The following DUS1L variants were observed in gnomAD, a reference collection of about 807,000 sequenced individuals.
DUS1L encodes dihydrouridine synthase 1 like, also known as tRNA-dihydrouridine(16/17) synthase [NAD(P)(+)]-like.
DUS1L carries 56 observed loss-of-function variants against 61.2 expected under a neutral mutation model. That is an observed-to-expected ratio of 0.92 (90% CI 0.74 to 1.14). The LOEUF (loss-of-function observed/expected upper bound fraction) is 1.14. Among genes scored for constraint, DUS1L ranks in the 50% most tolerant of loss-of-function variants. DUS1L has a pLI of 0.00. For synonymous variants in DUS1L, 278 were observed against 259.5 expected, an observed-to-expected ratio of 1.07 and a Z score of -0.69; for missense variants, 630 against 632.4, an observed-to-expected ratio of 1.00 and a Z score of 0.04.
Position 82,058,399 on chromosome 17 carries a change from G to A in DUS1L, c.1224C>T (p.Phe408=), listed in dbSNP as rs894661705. The A allele has an allele frequency of 3.3e-6, 5 of 1,495,012 alleles. No individual in the cohort carries two copies. Among genetic ancestry groups the A allele is most frequent in the South Asian group, 1.4e-5 (1 of 72,284 alleles). 92.6% of individuals were successfully genotyped at this position (1,495,012 alleles called of 1,614,324 possible). The part of the protein sequence containing the change: ...CGNPKGNRCV[F]SLCRGCCKKR... Reference sequence around the variant, plus strand: ...TCTTGCAGCAGCCGCGGCACAGGCTGAACACACATCTGTTGCCCTGGGCAC... The same window carrying A: ...TCTTGCAGCAGCCGCGGCACAGGCTAAACACACATCTGTTGCCCTGGGCAC... The change falls in exon 13 of 14, where the codon TTC becomes TTT. Residue 408 remains phenylalanine, a synonymous_variant. Transcript: ENST00000306796.
In DUS1L at chr17:82,061,978, C is replaced by T. The variant is rs201092302; in HGVS notation, c.516G>A (p.Leu172=). Residue 172 remains leucine, a synonymous_variant, in exon 6 of 14, where the codon CTG becomes CTA. Transcript: ENST00000306796. The part of the protein sequence containing the change: ...QMLEKAGCQL[L]TVHGRTKEQK... Reference sequence around the variant, plus strand: ...GCTCCTTGGTGCGTCCGTGCACCGTCAGCAACTAGGACAGAGCAGTGGTCG... The same window carrying T: ...GCTCCTTGGTGCGTCCGTGCACCGTTAGCAACTAGGACAGAGCAGTGGTCG... The T allele has an allele frequency of 1.2e-6, 2 of 1,605,230 alleles. No homozygotes were observed. Among genetic ancestry groups the T allele is most frequent in the African/African-American group, 2.7e-5 (2 of 74,908 alleles).
At chr17:82,058,759 C>T in intron 12 of DUS1L, 22 bp downstream of exon 12, 2 of 1,613,206 alleles carry the variant, frequency 1.2e-6, no homozygotes, top group Non-Finnish European at 8.5e-7. Flanking sequence ...GCCTTGGTGG[C>T]TTGCAGCCGG....
At position 82,065,082 on chromosome 17, in the gene DUS1L, C is replaced by A; in HGVS notation, c.-10-13G>T. The A allele has an allele frequency of 6.4e-7, 1 of 1,567,534 alleles. No homozygotes were observed. The highest frequency in any genetic ancestry group is 8.7e-7 in the Non-Finnish European group (1 of 1,155,558). On this transcript the variant is annotated splice_polypyrimidine_tract_variant and intron_variant, in intron 1 of 13. Coordinates refer to ENST00000306796, the MANE Select transcript of DUS1L (RefSeq NM_022156.5). ...CATCGTCTCCAGGCTGGGGGAAAGGCGCAGACCCGGGGTTCAGCCAGGCCC... is the reference window on the plus strand; with the variant it reads ...CATCGTCTCCAGGCTGGGGGAAAGGAGCAGACCCGGGGTTCAGCCAGGCCC...
At chr17:82,059,834 A>C in intron 11 of DUS1L, 114 bp downstream of exon 11, 3 of 1,475,704 alleles carry the variant, frequency 2.0e-6, no homozygotes, top group Non-Finnish European at 2.8e-6. Context: ...GTCTGCTTCC[A>C]GCTCTGGGCC....
At position 82,064,915 on chromosome 17, in the gene DUS1L, G is replaced by T; in HGVS notation, c.145C>A (p.Leu49Met). The change falls in exon 2 of 14, where the codon CTG (leucine) becomes ATG (methionine). Residue 49 changes from leucine to methionine, a missense_variant. Physicochemically the swap from Leu to Met is conservative, Grantham distance 15. Coordinates refer to ENST00000306796, the MANE Select transcript of DUS1L (RefSeq NM_022156.5). ...HGAQLCYTPM[L>M]HAQVFVRDAN... ...TCGCGGACAAAGACCTGGGCATGCAGCATGGGCGTGTAGCAGAGCTGTGCC... is the reference window on the plus strand; with the variant it reads ...TCGCGGACAAAGACCTGGGCATGCATCATGGGCGTGTAGCAGAGCTGTGCC... 6.2e-7 allele frequency: 1 copy of T among 1,612,708 alleles called. No homozygotes were observed. The highest frequency in any genetic ancestry group is 8.5e-7 in the Non-Finnish European group (1 of 1,179,870).
At chr17:82,064,021 G>T in intron 3 of DUS1L, 105 bp downstream of exon 3, 2 of 984,718 alleles carry the variant, frequency 2.0e-6, no homozygotes, top group South Asian at 2.9e-5. Context: ...CCACTGTCAC[G>T]ACAGAGGCAG....
intron 2 of DUS1L, 65 bp downstream of exon 2, chr17:82,064,758 T>C: frequency 6.8e-7 from 1 of 1,464,696 alleles, no homozygotes; most frequent in Non-Finnish European, 9.2e-7. Context: ...AGAGAAGGGT[T>C]TTTCCCCAGG....
At chr17:82,060,675 C>A in intron 10 of DUS1L, 26 bp downstream of exon 10, 1 of 1,608,712 alleles carries the variant, frequency 6.2e-7, no homozygotes, top group East Asian at 2.2e-5. Flanking sequence ...GTGCACATCC[C>A]CGCCCAGGGC....
chr17:82,063,997 G>A, intron 3 of DUS1L, 129 bp downstream of exon 3: 1 of 783,394 alleles, frequency 1.3e-6, no homozygotes, highest in South Asian at 1.7e-5. Context: ...GAGGACAGCT[G>A]GCTCCAGCCT....
At chr17:82,065,271 C>A (rs892435151) in intron 1 of DUS1L, 2 of 553,276 alleles carry the variant, frequency 3.6e-6, no homozygotes, top group African/African-American at 3.8e-5. Flanking sequence ...GGGGGAGCCG[C>A]TGGACCCCTG....
At chr17:82,058,290 G>GGCGGAGGGGGTCTGTTTGCCTGCT (rs1302688616) in intron 13 of DUS1L, 36 bp from the exon 14 acceptor site, 2 of 1,541,846 alleles carry the variant, frequency 1.3e-6, no homozygotes, top group African/African-American at 2.8e-5. Flanking sequence ...GGGGTCAGGA[G>GGCGGAGGGGGTCTGTTTGCCTGCT]GCGGAGGGGG....
At chr17:82,058,622 C>G (rs868729663) in intron 12 of DUS1L, 159 bp downstream of exon 12, 2 of 1,497,800 alleles carry the variant, frequency 1.3e-6, no homozygotes, top group African/African-American at 1.4e-5. Flanking sequence ...AGGGGCTTGG[C>G]TGGAAGCAAG....
chr17:82,063,096 A>T (rs1461908666), intron 4 of DUS1L, 123 bp from the exon 5 acceptor site: 3 of 827,722 alleles, frequency 3.6e-6, no homozygotes, highest in Non-Finnish European at 5.8e-6. Context: ...GCTGGGAGGC[A>T]GCCCGGGCCA....
chr17:82,061,031 G>T, intron 8 of DUS1L, 70 bp from the exon 9 acceptor site: 1 of 1,560,298 alleles, frequency 6.4e-7, no homozygotes. Flanking sequence ...TGAGCACTGG[G>T]CACACGGGGA....
In DUS1L at chr17:82,065,765, CGCCGGGCCGCA is replaced by C. The variant is rs917832531; in HGVS notation, c.-174_-164del. 1 of 147,898 alleles carries C rather than the reference CGCCGGGCCGCA, an allele frequency of 6.8e-6. No individual in the cohort carries two copies. The highest frequency in any genetic ancestry group is 2.4e-5 in the African/African-American group (1 of 40,964). The allele number at this position is 147,898 out of a possible 1,614,324, so 9.2% of individuals were successfully genotyped here. A position where few individuals can be genotyped will look rare whatever the true frequency, so the allele number is the denominator to read the frequency against. ...AACGCCCGCACCGCGCCGGGGCCGCCGCCGGGCCGCAGCCGGGCCCAAGGCTCCGCGCCGCC... is the reference window on the plus strand; with the variant it reads ...AACGCCCGCACCGCGCCGGGGCCGCCGCCGGGCCCAAGGCTCCGCGCCGCC... On this transcript the variant is annotated 5_prime_UTR_variant, in exon 1 of 14. Coordinates refer to ENST00000306796, the MANE Select transcript of DUS1L (RefSeq NM_022156.5).
At chr17:82,058,750 C>T (rs765374342) in intron 12 of DUS1L, 31 bp downstream of exon 12, 3 of 1,613,076 alleles carry the variant, frequency 1.9e-6, no homozygotes, top group Non-Finnish European at 2.5e-6. Flanking sequence ...AAAGCTGAAG[C>T]CTTGGTGGCT....
chr17:82,061,751 C>T lies in DUS1L; in HGVS notation c.594-30G>A, dbSNP rs781560726. Reference sequence around the variant, plus strand: ...TGGCAGAGAAATGCCTGTTTCCACCCGCCCGGAACAGCACCCAGGTGATGC... The same window carrying T: ...TGGCAGAGAAATGCCTGTTTCCACCTGCCCGGAACAGCACCCAGGTGATGC... On this transcript the variant is annotated intron_variant, in intron 6 of 13. Transcript: ENST00000306796. 13 of 1,610,336 alleles carry T rather than the reference C, an allele frequency of 8.1e-6. No homozygotes were observed. The Admixed American group carries it at 8.3e-5, about 10-fold the overall frequency.
rs2144732038 is a variant in DUS1L, at chr17:82,061,440, C to T, written c.698-87G>A. 2.0e-6 allele frequency: 3 copies of T among 1,511,634 alleles called. No individual in the cohort carries two copies. In the East Asian group the frequency reaches 6.9e-5, roughly 35 times the overall value. 93.6% of individuals were successfully genotyped at this position (1,511,634 alleles called of 1,614,324 possible). On this transcript the variant is annotated intron_variant, in intron 7 of 13. Coordinates refer to ENST00000306796, the MANE Select transcript of DUS1L (RefSeq NM_022156.5). ...AGCCTGGGACACTCAGGACACCCTT[C>T]TGTGCCACCTCACAAGGGACAAGGC...
chr17:82,057,991 G>A lies in DUS1L; in HGVS notation c.*124C>T, dbSNP rs557639457. On this transcript the variant is annotated 3_prime_UTR_variant, in exon 14 of 14. Transcript: ENST00000306796. ...CATTTCCAGGCCCCCAGAGTGGGCCGAAGGGGGACATGGGCGTGTCTTTCC... is the reference window on the plus strand; with the variant it reads ...CATTTCCAGGCCCCCAGAGTGGGCCAAAGGGGGACATGGGCGTGTCTTTCC... 124 of 1,297,374 alleles carry A rather than the reference G, an allele frequency of 9.6e-5. No homozygotes were observed. In the Admixed American group the frequency reaches 2.5e-3, roughly 26 times the overall value. 80.4% of individuals were successfully genotyped at this position (1,297,374 alleles called of 1,614,324 possible).
Sources: allele counts gnomAD v4.1 joint callset, GRCh38; gene constraint gnomAD v4.1.1; transcripts MANE v1.5; gene names NCBI Gene and HGNC (gene_info 2026-07-23, HGNC 2026-07-21).